The following BRK1 variants were observed in gnomAD, a reference collection of about 807,000 sequenced individuals.
BRK1 encodes protein BRICK1.
Under a neutral mutation model 9.9 loss-of-function variants are expected in BRK1, and 6 were observed. The ratio of observed to expected loss-of-function variants is 0.60; its 90% CI spans 0.33 to 1.19. The LOEUF (loss-of-function observed/expected upper bound fraction) is 1.19. Ranked by LOEUF, BRK1 falls within the 50% of genes most tolerant of loss-of-function variation. The probability of loss-of-function intolerance (pLI) is 0.04; values close to 1 mark genes in which losing one functional copy is unlikely to be tolerated. For missense variants in BRK1, 62 were observed against 97.5 expected (o/e 0.64, Z 1.53); for synonymous variants, 44 against 31.9 (o/e 1.38, Z -1.28).
intron 1 of BRK1, among the ~76,000 whole-genome samples, chr3:10,123,351 A>C (rs1376465146): frequency 1.3e-5 from 2 of 152,072 alleles, no homozygotes; most frequent in African/African-American, 4.8e-5. Context: ...TAGGAGCAAC[A>C]GTAGTGACAT....
At chr3:10,118,642 C>G (rs1322429386) in intron 1 of BRK1, among the ~76,000 whole-genome samples, 1 of 152,002 alleles carries the variant, frequency 6.6e-6, no homozygotes, top group Admixed American at 6.6e-5. Flanking sequence ...TGTGTGCCAC[C>G]ATGCCCGGCT....
At chr3:10,116,807 C>G (rs922214407) in intron 1 of BRK1, among the ~76,000 whole-genome samples, 1 of 152,186 alleles carries the variant, frequency 6.6e-6, no homozygotes, top group African/African-American at 2.4e-5. Context: ...GAGGCCCTCT[C>G]TTAAGGCATA....
intron 1 of BRK1, among the ~76,000 whole-genome samples, chr3:10,121,272 CTG>C (rs1695752059): frequency 6.6e-6 from 1 of 152,260 alleles, no homozygotes; most frequent in African/African-American, 2.4e-5. Context: ...TTGCACAACT[CTG>C]TAAGTATACT....
intron 1 of BRK1, among the ~76,000 whole-genome samples, chr3:10,121,872 C>T (rs953591418): frequency 1.4e-5 from 2 of 147,794 alleles, no homozygotes; most frequent in African/African-American, 2.5e-5. Context: ...TGAGCCTCTG[C>T]ACCCGGCCAC....
chr3:10,117,181 C>T (rs1284396014), intron 1 of BRK1, among the ~76,000 whole-genome samples: 1 of 152,086 alleles, frequency 6.6e-6, no homozygotes, highest in Non-Finnish European at 1.5e-5. Flanking sequence ...GCCCTGAAGG[C>T]AGTGAGCCAT....
At chr3:10,125,537 T>G in intron 1 of BRK1, 89 bp from the exon 2 acceptor site, 1 of 768,016 alleles carries the variant, frequency 1.3e-6, no homozygotes, top group Non-Finnish European at 2.2e-6. Flanking sequence ...ATTCTGTGTA[T>G]TATTCCTCTT....
intron 1 of BRK1, among the ~76,000 whole-genome samples, chr3:10,121,502 A>G (rs1695755352): frequency 6.6e-6 from 1 of 151,976 alleles, no homozygotes; most frequent in Non-Finnish European, 1.5e-5. Flanking sequence ...GAATAGAGTT[A>G]CACTAGAGTC....
rs71626962 is a variant in BRK1 at position 10,123,732 on chromosome 3, C to CTTTTTTTTTTTTTTTTTTTTTTT, written c.119-1873_119-1872insTTTTTTTTTTTTTTTTTTTTTTT. On this transcript the variant is annotated intron_variant, in intron 1 of 2. Transcript: ENST00000530758. ...ACAGGCCTGAGCCACCGTGCCTGGC[C>CTTTTTTTTTTTTTTTTTTTTTTT]TTTTTTTTTTTTTTTTTTTTTGAGA... Among the ~76,000 whole-genome samples the CTTTTTTTTTTTTTTTTTTTTTTT allele has an allele frequency of 1.6e-4, 8 of 48,694 alleles. 3 individuals carry two copies. Among genetic ancestry groups the CTTTTTTTTTTTTTTTTTTTTTTT allele is most frequent in the African/African-American group, 9.0e-4 (6 of 6,698 alleles). 31.9% of individuals were successfully genotyped at this position (48,694 alleles called of 152,430 possible). A position where few individuals can be genotyped will look rare whatever the true frequency, so the allele number is the denominator to read the frequency against.
chr3:10,116,069 C>T (rs1262963640), intron 1 of BRK1, among the ~76,000 whole-genome samples: 1 of 152,282 alleles, frequency 6.6e-6, no homozygotes, highest in African/African-American at 2.4e-5. Flanking sequence ...TTCTACAAGT[C>T]CTTCTCCTAG....
At position 10,127,041 on chromosome 3, in the gene BRK1, A is replaced by C. The variant is rs1375417653; in HGVS notation, c.*746A>C. ...TTTCAGATGTAGCTGTTTGATTCAAAGCCTAGGTGGCTTACCAGCCCAAGT... is the reference window on the plus strand; with the variant it reads ...TTTCAGATGTAGCTGTTTGATTCAACGCCTAGGTGGCTTACCAGCCCAAGT... On this transcript the variant is annotated 3_prime_UTR_variant, in exon 3 of 3. Transcript: ENST00000530758. The C allele has an allele frequency of 6.6e-6, 1 of 152,612 alleles. No individual in the cohort carries two copies. The highest frequency in any genetic ancestry group is 1.5e-5 in the Non-Finnish European group (1 of 68,042). The allele number at this position is 152,612 out of a possible 1,614,324, so 9.5% of individuals were successfully genotyped here.
rs71623083 is a variant in BRK1, at chr3:10,123,638, G to C, written c.119-1988G>C. 1 allele frequency among the ~76,000 whole-genome samples: 137,724 copies of C among 137,838 alleles called. 68,805 individuals carry two copies. The highest frequency in any genetic ancestry group is 1 in the Middle Eastern group (286 of 286). The allele number at this position is 137,838 out of a possible 152,430, so 90.4% of individuals were successfully genotyped here. Reference sequence around the variant, plus strand: ...TTTAATAGAGACGGGGTTTCATTGTGTTAGCCAGGATGGTCTCCATCTCCT... The same window carrying C: ...TTTAATAGAGACGGGGTTTCATTGTCTTAGCCAGGATGGTCTCCATCTCCT... On this transcript the variant is annotated intron_variant, in intron 1 of 2. Transcript: ENST00000530758.
Sources: gnomAD v4.1 joint callset for allele counts (sites outside exome capture counted in the v4.1 genomes callset) on GRCh38, gnomAD v4.1.1 for gene constraint, MANE v1.5 for transcripts, NCBI Gene and HGNC (gene_info 2026-07-23, HGNC 2026-07-21) for gene names.